Variants in CD247 observed in about 807,000 individuals in gnomAD.
CD247 encodes T-cell surface glycoprotein CD3 zeta chain.
In CD247, 13 loss-of-function variants were observed where a neutral mutation model predicts 30.0. The observed-to-expected ratio is 0.43, with a 90% CI of 0.28 to 0.69. The LOEUF is 0.69. CD247 is among the 30% of genes least tolerant of loss of function. The pLI is 0.16. For synonymous variants in CD247, 72 were observed against 80.0 expected (o/e 0.90, Z 0.53); for missense variants, 193 against 212.6 (o/e 0.91, Z 0.57).
chr1:167,461,719 G>C (rs1294462749), intron 1 of CD247, among the ~76,000 whole-genome samples: 1 of 152,018 alleles, frequency 6.6e-6, no homozygotes, highest in African/African-American at 2.4e-5. Flanking sequence ...GTGGTGGTGG[G>C]CGCCTGTAGT....
chr1:167,432,938 C>G, intron 7 of CD247, 86 bp downstream of exon 7: 1 of 1,462,496 alleles, frequency 6.8e-7, no homozygotes, highest in Non-Finnish European at 9.6e-7. Flanking sequence ...AGAGCTGGTG[C>G]CACCAGCAGG....
intron 1 of CD247, among the ~76,000 whole-genome samples, chr1:167,495,514 T>G (rs1654655075): frequency 1.3e-5 from 2 of 152,164 alleles, no homozygotes; most frequent in South Asian, 4.1e-4. Flanking sequence ...AATGCCTACT[T>G]CTGCCCTTAT....
intron 1 of CD247, among the ~76,000 whole-genome samples, chr1:167,515,609 G>C (rs1655570696): frequency 6.6e-6 from 1 of 152,152 alleles, no homozygotes; most frequent in African/African-American, 2.4e-5. Context: ...GAAAATGGTG[G>C]ATGTAACAGT....
chr1:167,444,024 C>A (rs1348173836), intron 1 of CD247, among the ~76,000 whole-genome samples: 1 of 152,190 alleles, frequency 6.6e-6, no homozygotes, highest in Non-Finnish European at 1.5e-5. Flanking sequence ...CTCTGGATTG[C>A]GTGCAGGTGG....
chr1:167,502,873 C>T (rs1310541439), intron 1 of CD247, among the ~76,000 whole-genome samples: 1 of 152,166 alleles, frequency 6.6e-6, no homozygotes, highest in African/African-American at 2.4e-5. Flanking sequence ...GGGACAGATT[C>T]TCCTGCACAG....
intron 1 of CD247, among the ~76,000 whole-genome samples, chr1:167,468,017 A>T (rs1653339326): frequency 6.6e-6 from 1 of 152,234 alleles, no homozygotes; most frequent in African/African-American, 2.4e-5. Flanking sequence ...TAGCTCATGA[A>T]AACTGAGGGA....
intron 1 of CD247, among the ~76,000 whole-genome samples, chr1:167,500,476 G>A (rs1654854800): frequency 6.6e-6 from 1 of 152,168 alleles, no homozygotes; most frequent in South Asian, 2.1e-4. Flanking sequence ...AGCGCTTCTG[G>A]TATGAATTAG....
At chr1:167,449,971 G>A (rs531628918) in intron 1 of CD247, among the ~76,000 whole-genome samples, 1 of 151,492 alleles carries the variant, frequency 6.6e-6, no homozygotes. Context: ...TTAGTATTAT[G>A]TTATAATCTA....
chr1:167,460,778 C>T (rs12076914), intron 1 of CD247, among the ~76,000 whole-genome samples: 7,415 of 152,138 alleles, frequency 0.049, 427 homozygotes, highest in African/African-American at 0.14. Context: ...TGTGATGTTC[C>T]CCGCCCTGTG....
chr1:167,458,753 A>G (rs1278411662), intron 1 of CD247: 1 of 126,420 alleles, frequency 7.9e-6, no homozygotes, highest in Non-Finnish European at 1.5e-5. Context: ...GCTGGAGTGC[A>G]GTGGTGCAAT....
intron 1 of CD247, among the ~76,000 whole-genome samples, chr1:167,502,472 T>C (rs1430905588): frequency 1.3e-5 from 2 of 152,202 alleles, no homozygotes; most frequent in African/African-American, 4.8e-5. Context: ...TAAAAGGGTG[T>C]CTTACATTGA....
intron 1 of CD247, among the ~76,000 whole-genome samples, chr1:167,464,936 C>A (rs377655399): frequency 1.3e-5 from 2 of 151,488 alleles, no homozygotes; most frequent in African/African-American, 4.8e-5. Context: ...CAAATAACAA[C>A]AAAAAAAAAC....
At chr1:167,474,179 C>T (rs1653652345) in intron 1 of CD247, among the ~76,000 whole-genome samples, 2 of 152,144 alleles carry the variant, frequency 1.3e-5, no homozygotes, top group South Asian at 2.1e-4. Flanking sequence ...TCTCACTGCC[C>T]TCTTTTTCTT....
rs1553230647 is a variant in CD247 at position 167,453,037 on chromosome 1, A to ATATATATATTATAGATATATAT, written c.59-12271_59-12270insATATATATCTATAATATATATA. Among the ~76,000 whole-genome samples, 117 of 98,904 alleles carry ATATATATATTATAGATATATAT rather than the reference A, an allele frequency of 1.2e-3. 1 individual carries two copies. Among genetic ancestry groups the ATATATATATTATAGATATATAT allele is most frequent in the South Asian group, 8.8e-3 (31 of 3,538 alleles). The allele number at this position is 98,904 out of a possible 152,430, so 64.9% of individuals were successfully genotyped here. On this transcript the variant is annotated intron_variant, in intron 1 of 7. Transcript: ENST00000362089. ...TATATATATATTATAGATATATATT[A>ATATATATATTATAGATATATAT]TATATATATATATTATAGATATACA...
intron 1 of CD247, among the ~76,000 whole-genome samples, chr1:167,492,219 G>C (rs559866854): frequency 5.2e-4 from 79 of 152,346 alleles, no homozygotes; most frequent in Admixed American, 2.2e-3. Flanking sequence ...TGCCTCAGGT[G>C]TAAGACAGTC....
At chr1:167,487,755 G>T (rs1412752132) in intron 1 of CD247, among the ~76,000 whole-genome samples, 1 of 152,182 alleles carries the variant, frequency 6.6e-6, no homozygotes, top group Non-Finnish European at 1.5e-5. Context: ...TCGAGACAGG[G>T]TCTCACTGTG....
chr1:167,500,801 G>A (rs1055000280), intron 1 of CD247, among the ~76,000 whole-genome samples: 2 of 152,152 alleles, frequency 1.3e-5, no homozygotes, highest in East Asian at 1.9e-4. Context: ...GAGGGTTATC[G>A]GCCTTGAGGA....
chr1:167,494,970 C>T lies in CD247; in HGVS notation c.58+23438G>A, dbSNP rs936654247. Among the ~76,000 whole-genome samples the T allele has an allele frequency of 3.9e-5, 6 of 152,132 alleles. No homozygotes were observed. The highest frequency in any genetic ancestry group is 7.2e-5 in the African/African-American group (3 of 41,414). On this transcript the variant is annotated intron_variant, in intron 1 of 7. Transcript: ENST00000362089. This position sits in a 1 kb window ranked among gnomAD's most constrained non-coding sequence, Gnocchi z 7.3. ...TCTCTCCCCACCTGGACCTTGTGTC[C>T]GAGGAGCAGTGTTGGACCCTCAATT...
chr1:167,484,689 A>G (rs1326184903), intron 1 of CD247, among the ~76,000 whole-genome samples: 1 of 152,218 alleles, frequency 6.6e-6, no homozygotes, highest in Non-Finnish European at 1.5e-5. Context: ...AGGTAGGAGA[A>G]TCACTTGAAC....
Sources: allele counts gnomAD v4.1 joint callset (sites outside exome capture counted in the v4.1 genomes callset), GRCh38; gene constraint gnomAD v4.1.1; non-coding constraint Gnocchi (gnomAD v3.1); transcripts MANE v1.5; gene names NCBI Gene and HGNC (gene_info 2026-07-23, HGNC 2026-07-21).